FOXO1: variants seen among roughly 807,000 people sequenced by gnomAD.
FOXO1 encodes forkhead box O1.
In FOXO1, 6 loss-of-function variants were observed where a neutral mutation model predicts 44.1. That is an observed-to-expected ratio of 0.14 (90% CI 0.07 to 0.27). The LOEUF (loss-of-function observed/expected upper bound fraction) is 0.27. Ranked by LOEUF, FOXO1 falls within the 10% of genes least tolerant of loss-of-function variation. The probability of loss-of-function intolerance (pLI) is 1.00; values close to 1 mark genes in which losing one functional copy is unlikely to be tolerated. For missense variants in FOXO1, 737 were observed against 888.8 expected (o/e 0.83, Z 2.17); for synonymous variants, 380 against 362.7 (o/e 1.05, Z -0.54).
chr13:40,621,671 T>C (rs1462201609), intron 1 of FOXO1, among the ~76,000 whole-genome samples: 1 of 152,210 alleles, frequency 6.6e-6, no homozygotes, highest in African/African-American at 2.4e-5. Flanking sequence ...AAACCAATCT[T>C]CTTTTCCTTA....
chr13:40,587,949 G>A (rs117853452), intron 1 of FOXO1, among the ~76,000 whole-genome samples: 1,707 of 152,308 alleles, frequency 0.011, 20 homozygotes, highest in Non-Finnish European at 0.016. Context: ...TCATGTGAAA[G>A]AGAGTCAATG....
At chr13:40,641,768 T>C (rs1297049141) in intron 1 of FOXO1, among the ~76,000 whole-genome samples, 2 of 151,964 alleles carry the variant, frequency 1.3e-5, no homozygotes. Flanking sequence ...GGCAGATCAC[T>C]TGAGGTCAGG....
intron 1 of FOXO1, among the ~76,000 whole-genome samples, chr13:40,580,448 T>C (rs982821150): frequency 2.6e-5 from 4 of 152,348 alleles, no homozygotes; most frequent in Admixed American, 2.6e-4. Context: ...CATCCAGTAC[T>C]GGCACTTAGC....
chr13:40,620,983 A>G (rs567837430), intron 1 of FOXO1: 1 of 166,166 alleles, frequency 6.0e-6, no homozygotes, highest in Admixed American at 6.4e-5. Context: ...ATTTTAGTAG[A>G]CATGGGGTTT....
intron 1 of FOXO1, among the ~76,000 whole-genome samples, chr13:40,605,906 G>C (rs1593396991): frequency 1.3e-5 from 2 of 152,054 alleles, no homozygotes; most frequent in South Asian, 4.2e-4. Flanking sequence ...GTATTGAAAA[G>C]TAGTAGGTAT....
intron 1 of FOXO1, among the ~76,000 whole-genome samples, chr13:40,590,763 CT>C (rs1335352043): frequency 6.6e-6 from 1 of 150,750 alleles, no homozygotes; most frequent in East Asian, 1.9e-4. Context: ...CTTTTTTTTT[CT>C]TTTTTAAGAA....
rs534532375 is a variant in FOXO1 at position 40,656,991 on chromosome 13, T to G, written c.630+8592A>C. On this transcript the variant is annotated intron_variant, in intron 1 of 2. Coordinates refer to ENST00000379561, the MANE Select transcript of FOXO1 (RefSeq NM_002015.4). ...GACTACAGGCACCCGCCACCACACT[T>G]GGCTAATTTTTTTCTGTCTTTTTAG... 5.3e-5 allele frequency among the ~76,000 whole-genome samples: 8 copies of G among 151,916 alleles called. No homozygotes were observed. In the South Asian group the frequency reaches 1.7e-3, roughly 32 times the overall value.
At position 40,560,087 on chromosome 13, in the gene FOXO1, A is replaced by G; in HGVS notation, c.1404T>C (p.Ser468=). ...TAATGTCATTATGGGGAGGAGAGTC[A>G]GAAGTCAGCAACTCCTTCAAGAGTC... ...APGLLKELLT[S]DSPPHNDIMT... is the part of the protein sequence containing the mutation. Residue 468 remains serine (S), a synonymous_variant, in exon 2 of 3, where the codon TCT becomes TCC. Coordinates refer to ENST00000379561, the MANE Select transcript of FOXO1 (RefSeq NM_002015.4). The surrounding 1 kb of genome is among the most constrained non-coding windows in gnomAD (Gnocchi z 5.1). The G allele has an allele frequency of 6.2e-7, 1 of 1,614,196 alleles. No individual in the cohort carries two copies. The highest frequency in any genetic ancestry group is 8.5e-7 in the Non-Finnish European group (1 of 1,180,032).
chr13:40,588,824 A>G (rs549297583), intron 1 of FOXO1, among the ~76,000 whole-genome samples: 8 of 152,258 alleles, frequency 5.3e-5, no homozygotes, highest in African/African-American at 1.9e-4. Context: ...TCACTGATTG[A>G]CCAGGAGTGA....
At position 40,647,465 on chromosome 13, in the gene FOXO1, C is replaced by T. The variant is rs184908936; in HGVS notation, c.630+18118G>A. Among the ~76,000 whole-genome samples the T allele has an allele frequency of 1.1e-4, 17 of 152,256 alleles. No homozygotes were observed. In the East Asian group the frequency reaches 2.9e-3, roughly 26 times the overall value. ...TGTCACCTAGGCGGGAGTGCAGTGGCGTGATCTCAGCTCACTGCAGCCTCC... is the reference window on the plus strand; with the variant it reads ...TGTCACCTAGGCGGGAGTGCAGTGGTGTGATCTCAGCTCACTGCAGCCTCC... On this transcript the variant is annotated intron_variant, in intron 1 of 2. Coordinates refer to ENST00000379561, the MANE Select transcript of FOXO1 (RefSeq NM_002015.4).
rs139099933 is a variant in FOXO1, at chr13:40,597,379, T to C, written c.631-36519A>G. Among the ~76,000 whole-genome samples the C allele has an allele frequency of 1.9e-3, 294 of 152,206 alleles. 1 individual carries two copies. Among genetic ancestry groups the C allele is most frequent in the African/African-American group, 6.9e-3 (285 of 41,522 alleles). On this transcript the variant is annotated intron_variant, in intron 1 of 2. Transcript: ENST00000379561. The stretch of plus-strand genomic sequence containing the variant: ...GGCAGACATCTTCCCAATAAGAGGG[T>C]AGTGGGAACACAAAAACATCTTTAT...
At chr13:40,628,194 A>G (rs1330908500) in intron 1 of FOXO1, among the ~76,000 whole-genome samples, 1 of 152,152 alleles carries the variant, frequency 6.6e-6, no homozygotes, top group East Asian at 1.9e-4. Flanking sequence ...ATTTTTTTTA[A>G]AAAGCCCTTC....
At chr13:40,649,222 G>C (rs932636782) in intron 1 of FOXO1, among the ~76,000 whole-genome samples, 5 of 152,162 alleles carry the variant, frequency 3.3e-5, no homozygotes, top group Middle Eastern at 3.2e-3. Context: ...CACAGTTAAG[G>C]ATCACAGACA....
At position 40,635,269 on chromosome 13, in the gene FOXO1, A is replaced by G. The variant is rs115466001; in HGVS notation, c.630+30314T>C. ...TCCTCCTACGAAGAAACACAGGAGTAAATTTAAGATAAATTTTTTGCTATA... is the reference window on the plus strand; with the variant it reads ...TCCTCCTACGAAGAAACACAGGAGTGAATTTAAGATAAATTTTTTGCTATA... On this transcript the variant is annotated intron_variant, in intron 1 of 2. Transcript: ENST00000379561. 3.4e-3 allele frequency among the ~76,000 whole-genome samples: 516 copies of G among 152,338 alleles called. 8 individuals carry two copies. Among genetic ancestry groups the G allele is most frequent in the African/African-American group, 0.012 (503 of 41,568 alleles).
chr13:40,621,745 CTAAA>C (rs1280762574), intron 1 of FOXO1, among the ~76,000 whole-genome samples: 1 of 152,156 alleles, frequency 6.6e-6, no homozygotes, highest in Non-Finnish European at 1.5e-5. Context: ...ACATTTCTAT[CTAAA>C]TAAGCTTTTC....
intron 1 of FOXO1, among the ~76,000 whole-genome samples, chr13:40,595,002 T>A (rs1026704370): frequency 6.6e-6 from 1 of 152,220 alleles, no homozygotes; most frequent in African/African-American, 2.4e-5. Context: ...AGACTTTATA[T>A]ATGCTTATTT....
At chr13:40,661,267 A>C (rs1449690649) in intron 1 of FOXO1, among the ~76,000 whole-genome samples, 1 of 151,808 alleles carries the variant, frequency 6.6e-6, no homozygotes, top group Non-Finnish European at 1.5e-5. Context: ...ATACAGGATT[A>C]TCAAGGCTTT....
intron 1 of FOXO1, among the ~76,000 whole-genome samples, chr13:40,612,934 C>T (rs1026327055): frequency 1.3e-5 from 2 of 152,108 alleles, no homozygotes; most frequent in East Asian, 1.9e-4. Context: ...TACTGTGTAT[C>T]GGTTTATCTA....
chr13:40,634,235 T>C (rs1877067200), intron 1 of FOXO1, among the ~76,000 whole-genome samples: 1 of 152,212 alleles, frequency 6.6e-6, no homozygotes, highest in Non-Finnish European at 1.5e-5. Flanking sequence ...TTCCCAATGA[T>C]ACCAAAAAGC....
Sources: gnomAD v4.1 joint callset for allele counts (sites outside exome capture counted in the v4.1 genomes callset) on GRCh38, gnomAD v4.1.1 for gene constraint, Gnocchi (gnomAD v3.1) non-coding constraint, MANE v1.5 for transcripts, NCBI Gene and HGNC (gene_info 2026-07-23, HGNC 2026-07-21) for gene names.